The following DDX50 variants were observed in gnomAD, a reference collection of about 807,000 sequenced individuals.
The protein encoded by DDX50 is ATP-dependent RNA helicase DDX50.
In DDX50, 56 loss-of-function variants were observed where a neutral mutation model predicts 94.8. That is an observed-to-expected ratio of 0.59 (90% CI 0.48 to 0.74). The LOEUF is 0.74. DDX50 is among the 30% of genes least tolerant of loss of function. The pLI is 0.00. For synonymous variants in DDX50, 264 were observed against 295.4 expected, an observed-to-expected ratio of 0.89 and a Z score of 1.09; for missense variants, 713 against 881.2, an observed-to-expected ratio of 0.81 and a Z score of 2.42.
intron 7 of DDX50, among the ~76,000 whole-genome samples, chr10:68,914,437 A>G (rs561220450): frequency 8.2e-4 from 125 of 152,356 alleles, no homozygotes; most frequent in Non-Finnish European, 1.6e-3. Context: ...ACAAGCAGCC[A>G]TAGAGACAGA....
rs369465760 is a variant in DDX50, at chr10:68,906,713, T to A, written c.90T>A (p.Ser30Arg). 2.5e-6 allele frequency: 4 copies of A among 1,605,236 alleles called. No homozygotes were observed. The highest frequency in any genetic ancestry group is 3.4e-6 in the Non-Finnish European group (4 of 1,178,132). The change falls in exon 2 of 15, where the codon AGT becomes AGA. Residue 30 changes from serine (S) to arginine (R), a missense_variant and splice_region_variant. By Grantham distance (110) the Ser-to-Arg change is moderately radical. Transcript: ENST00000373585. ...ATTGCTTCTTTGTTTGTTCACAGAG[T>A]GACAGAAGGAAGTCAAGGCACCATT... ...SESQKKERQK[S>R]DRRKSRHHYD...
At position 68,906,935 on chromosome 10, in the gene DDX50, T is replaced by C. The variant is rs1182995312; in HGVS notation, c.312T>C (p.Tyr104=). 1 of 1,598,514 alleles carries C rather than the reference T, an allele frequency of 6.3e-7. No individual in the cohort carries two copies. Among genetic ancestry groups the C allele is most frequent in the African/African-American group, 1.4e-5 (1 of 73,574 alleles). Reference sequence around the variant, plus strand: ...TACCAAATGGAGATATAGATGAATATGAAAAAAAATCAAAGCGAGTATCAT... The same window carrying C: ...TACCAAATGGAGATATAGATGAATACGAAAAAAAATCAAAGCGAGTATCAT... ...KDLPNGDIDE[Y]EKKSKRVSSL... Residue 104 remains tyrosine (Y), a synonymous_variant, in exon 2 of 15, where the codon TAT becomes TAC. Coordinates refer to ENST00000373585, the MANE Select transcript of DDX50 (RefSeq NM_024045.2).
chr10:68,913,664 T>C (rs1841701825), intron 6 of DDX50, 88 bp downstream of exon 6: 1 of 1,294,264 alleles, frequency 7.7e-7, no homozygotes, highest in Non-Finnish European at 1.1e-6. Context: ...TTTATTGCAG[T>C]GTCCCCTGCG....
At chr10:68,936,708 G>A (rs1221993864) in intron 11 of DDX50, among the ~76,000 whole-genome samples, 4 of 150,628 alleles carry the variant, frequency 2.7e-5, no homozygotes, top group South Asian at 2.1e-4. Flanking sequence ...GAGTGGTGGC[G>A]CGTGCACCTG....
intron 13 of DDX50, among the ~76,000 whole-genome samples, chr10:68,941,420 C>CT (rs1276761814): frequency 6.6e-6 from 1 of 152,128 alleles, no homozygotes; most frequent in Non-Finnish European, 1.5e-5. Flanking sequence ...CCCAAATTAT[C>CT]TAAGTTTCTG....
intron 12 of DDX50, among the ~76,000 whole-genome samples, chr10:68,938,998 T>C (rs1480536562): frequency 6.6e-6 from 1 of 152,226 alleles, no homozygotes; most frequent in Admixed American, 6.5e-5. Flanking sequence ...CTTTATCCTC[T>C]TTTAAACTGA....
At chr10:68,942,886 G>A (rs1211955538) in intron 13 of DDX50, among the ~76,000 whole-genome samples, 2 of 152,086 alleles carry the variant, frequency 1.3e-5, no homozygotes, top group Non-Finnish European at 2.9e-5. Context: ...CTCCCAAAGT[G>A]CTGGGATTAC....
chr10:68,922,697 G>A (rs1306736203), intron 8 of DDX50, among the ~76,000 whole-genome samples: 6 of 152,184 alleles, frequency 3.9e-5, no homozygotes, highest in African/African-American at 1.4e-4. Context: ...GGAGGCTGAG[G>A]TGGGAGAACT....
intron 7 of DDX50, among the ~76,000 whole-genome samples, chr10:68,916,367 AAAG>A (rs1841791909): frequency 2.0e-5 from 3 of 151,372 alleles, no homozygotes; most frequent in Non-Finnish European, 2.9e-5. Flanking sequence ...AAAAAAAAAA[AAAG>A]AATAAGAAAA....
Position 68,934,972 on chromosome 10 carries a change from G to GA in DDX50, c.1521+55dup. The GA allele has an allele frequency of 6.4e-7, 1 of 1,559,150 alleles. No individual in the cohort carries two copies. Among genetic ancestry groups the GA allele is most frequent in the Non-Finnish European group, 8.7e-7 (1 of 1,154,196 alleles). On this transcript the variant is annotated intron_variant, in intron 10 of 14. Coordinates refer to ENST00000373585, the MANE Select transcript of DDX50 (RefSeq NM_024045.2). The surrounding 1 kb of genome is among the most constrained non-coding windows in gnomAD (Gnocchi z 4.0). ...ATTGTCTAAATGGTGCCTTAAAAGA[G>GA]AGCTCTTCTTATATTTATTCTTACA...
At chr10:68,907,285 A>ATGGTTATCT (rs1214918014) in intron 2 of DDX50, among the ~76,000 whole-genome samples, 4 of 145,920 alleles carry the variant, frequency 2.7e-5, no homozygotes, top group African/African-American at 1.0e-4. Flanking sequence ...GAATTGCTTG[A>ATGGTTATCT]TGGTTATCTA....
chr10:68,912,426 C>G (rs538156264), intron 4 of DDX50, among the ~76,000 whole-genome samples: 1 of 152,162 alleles, frequency 6.6e-6, no homozygotes, highest in South Asian at 2.1e-4. Context: ...GTAGTCCAGG[C>G]TGGTTTTGAA....
intron 7 of DDX50, among the ~76,000 whole-genome samples, chr10:68,915,368 G>A (rs574655040): frequency 5.3e-4 from 80 of 151,552 alleles, no homozygotes; most frequent in African/African-American, 1.6e-3. Flanking sequence ...AGCCAAGATC[G>A]CGCCACTGCA....
At position 68,911,170 on chromosome 10, in the gene DDX50, C is replaced by T; in HGVS notation, c.563C>T (p.Thr188Ile). ...IAQARTGTGK[T>I]FSFAIPLIER... ...CAAGCACGGACAGGAACAGGAAAGA[C>T]ATTCTCTTTTGCCATCCCCTTAATT... Residue 188 changes from threonine to isoleucine, a missense_variant, in exon 4 of 15, where the codon ACA becomes ATA. By Grantham distance (89) the Thr-to-Ile change is moderately conservative. This residue lies in a region of DDX50 where 285 missense variants were observed against 278.9 expected (regional missense o/e 1.02). Coordinates refer to ENST00000373585, the MANE Select transcript of DDX50 (RefSeq NM_024045.2). 3 of 1,612,614 alleles carry T rather than the reference C, an allele frequency of 1.9e-6. No homozygotes were observed. Among genetic ancestry groups the T allele is most frequent in the East Asian group, 2.2e-5 (1 of 44,822 alleles).
intron 8 of DDX50, among the ~76,000 whole-genome samples, chr10:68,921,490 A>G (rs1841938228): frequency 6.7e-6 from 1 of 150,026 alleles, no homozygotes; most frequent in Non-Finnish European, 1.5e-5. Context: ...CTGAATATTC[A>G]GGTTTGTTTG....
At chr10:68,905,174 C>T (rs986507961) in intron 1 of DDX50, among the ~76,000 whole-genome samples, 1 of 152,190 alleles carries the variant, frequency 6.6e-6, no homozygotes, top group South Asian at 2.1e-4. Flanking sequence ...ACCTCGCCCC[C>T]CCAGAGTGCT....
At chr10:68,917,103 T>G (rs941685340) in intron 7 of DDX50, among the ~76,000 whole-genome samples, 14 of 152,202 alleles carry the variant, frequency 9.2e-5, no homozygotes, top group Admixed American at 7.9e-4. Context: ...CTGATTGATA[T>G]GCGTCTTAAA....
At chr10:68,909,010 G>A (rs898808944) in intron 2 of DDX50, among the ~76,000 whole-genome samples, 2 of 151,602 alleles carry the variant, frequency 1.3e-5, no homozygotes, top group African/African-American at 4.9e-5. Context: ...GTTTTTTATA[G>A]AGACAAGGTC....
chr10:68,915,107 A>G (rs1221910364), intron 7 of DDX50, among the ~76,000 whole-genome samples: 1 of 150,654 alleles, frequency 6.6e-6, no homozygotes, highest in Non-Finnish European at 1.5e-5. Flanking sequence ...AGTTAAACCA[A>G]TGGTATGTTT....
Sources: gnomAD v4.1 joint callset for allele counts (sites outside exome capture counted in the v4.1 genomes callset) on GRCh38, gnomAD v4.1.1 for gene constraint, gnomAD v4.1.1 regional missense constraint, Gnocchi (gnomAD v3.1) non-coding constraint, MANE v1.5 for transcripts, NCBI Gene and HGNC (gene_info 2026-07-23, HGNC 2026-07-21) for gene names.